The following SHB variants were observed in gnomAD, a reference collection of about 807,000 sequenced individuals.
SHB encodes SH2 domain containing adaptor protein B, also known as SH2 domain-containing adapter protein B.
In SHB, 20 loss-of-function variants were observed where a neutral mutation model predicts 52.3. The ratio of observed to expected loss-of-function variants is 0.38; its 90% confidence interval spans 0.27 to 0.56. The LOEUF (loss-of-function observed/expected upper bound fraction) is 0.56, where lower values mean the gene tolerates loss of function less well. Ranked by LOEUF, SHB falls within the 20% of genes least tolerant of loss-of-function variation. SHB has a pLI of 0.71. For missense variants in SHB, 825 were observed against 723.3 expected (o/e 1.14, Z -1.61); for synonymous variants, 397 against 316.5 (o/e 1.25, Z -2.70).
At chr9:37,952,993 C>T (rs1341833533) in intron 4 of SHB, among the ~76,000 whole-genome samples, 2 of 152,012 alleles carry the variant, frequency 1.3e-5, no homozygotes, top group East Asian at 1.9e-4. Context: ...AGAGACAACC[C>T]AGGGAGAGCA....
intron 2 of SHB, among the ~76,000 whole-genome samples, chr9:37,995,364 C>T (rs180914329): frequency 6.0e-5 from 9 of 149,598 alleles, no homozygotes; most frequent in Admixed American, 6.0e-4. Flanking sequence ...CCTCTTAGCG[C>T]GAGCCCTCCT....
chr9:38,030,920 G>A (rs1276357141), intron 1 of SHB, among the ~76,000 whole-genome samples: 1 of 151,552 alleles, frequency 6.6e-6, no homozygotes, highest in African/African-American at 2.4e-5. Flanking sequence ...CCAGAATCCT[G>A]GATTTCATGG....
At chr9:37,933,934 C>T (rs1832340714) in intron 5 of SHB, among the ~76,000 whole-genome samples, 1 of 152,236 alleles carries the variant, frequency 6.6e-6, no homozygotes, top group African/African-American at 2.4e-5. Flanking sequence ...AAGACCCGGG[C>T]TACTCTTTTC....
intron 2 of SHB, among the ~76,000 whole-genome samples, chr9:37,988,380 T>C (rs1202286011): frequency 6.6e-6 from 1 of 152,142 alleles, no homozygotes; most frequent in East Asian, 1.9e-4. Flanking sequence ...ACTCCAGAGT[T>C]TCTCAGTCTG....
chr9:38,053,193 G>A (rs1315843895), intron 1 of SHB, among the ~76,000 whole-genome samples: 3 of 152,150 alleles, frequency 2.0e-5, no homozygotes, highest in South Asian at 2.1e-4. Flanking sequence ...TGTCATCTAC[G>A]ATAAGATACA....
intron 2 of SHB, among the ~76,000 whole-genome samples, chr9:38,007,820 G>A (rs908377579): frequency 4.3e-4 from 66 of 152,056 alleles, no homozygotes; most frequent in African/African-American, 1.3e-3. Flanking sequence ...CAAGTGTTAA[G>A]GAACAACATC....
intron 5 of SHB, among the ~76,000 whole-genome samples, chr9:37,929,320 T>C (rs543767173): frequency 6.6e-6 from 1 of 152,350 alleles, no homozygotes; most frequent in East Asian, 1.9e-4. Context: ...GGCAGGCCCC[T>C]CGGATAAGCA....
intron 3 of SHB, among the ~76,000 whole-genome samples, chr9:37,966,071 T>G (rs896676772): frequency 6.6e-6 from 1 of 152,154 alleles, no homozygotes; most frequent in South Asian, 2.1e-4. Context: ...GCTCCTGACC[T>G]CAGGTGATCC....
At chr9:38,031,560 C>A (rs1463473900) in intron 1 of SHB, among the ~76,000 whole-genome samples, 1 of 152,112 alleles carries the variant, frequency 6.6e-6, no homozygotes, top group East Asian at 1.9e-4. Flanking sequence ...AGAAACCAAG[C>A]CTTCCTATGA....
intron 1 of SHB, among the ~76,000 whole-genome samples, chr9:38,033,632 G>A (rs1821445557): frequency 6.6e-6 from 1 of 152,160 alleles, no homozygotes. Context: ...CCATATTTTT[G>A]TTATGCCCAT....
intron 2 of SHB, among the ~76,000 whole-genome samples, chr9:37,991,662 T>G (rs1362242963): frequency 1.3e-5 from 2 of 152,224 alleles, no homozygotes. Context: ...AATGACTTTT[T>G]GGGACCCATG....
intron 3 of SHB, among the ~76,000 whole-genome samples, chr9:37,974,357 G>A (rs544673851): frequency 5.6e-4 from 85 of 152,314 alleles, no homozygotes; most frequent in African/African-American, 1.9e-3. Flanking sequence ...CAGACAATGA[G>A]AGCATCTGAG....
Position 37,974,768 on chromosome 9 carries a change from G to C in SHB, c.908C>G (p.Pro303Arg). 2 of 1,614,186 alleles carry C rather than the reference G, an allele frequency of 1.2e-6. No individual in the cohort carries two copies. The highest frequency in any genetic ancestry group is 1.7e-6 in the Non-Finnish European group (2 of 1,180,028). The change falls in exon 3 of 6, where the codon CCT (proline) becomes CGT (arginine). Residue 303 changes from proline to arginine, a missense_variant. Physicochemically the swap from Pro to Arg is moderately radical, Grantham distance 103 (BLOSUM62 -2). Coordinates refer to ENST00000377707, the MANE Select transcript of SHB (RefSeq NM_003028.3). ...GIQLYDTPYE[P>R]EGQSVDSDSE... ...GTCTGAGTCAACACTTTGGCCTTCA[G>C]GTTCGTAAGGGGTGTCATATAACTG... is the stretch of plus-strand genomic sequence containing the variant.
intron 5 of SHB, among the ~76,000 whole-genome samples, chr9:37,944,955 CAGGCTGAGCCCCTGG>C (rs1285070652): frequency 2.0e-5 from 3 of 152,204 alleles, no homozygotes; most frequent in Admixed American, 2.0e-4. Flanking sequence ...CTGGCCTGGC[CAGGCTGAGCCCCTGG>C]AGGCTGGGCC....
intron 2 of SHB, among the ~76,000 whole-genome samples, chr9:38,009,578 AAC>A (rs1460176008): frequency 6.6e-6 from 1 of 152,240 alleles, no homozygotes; most frequent in African/African-American, 2.4e-5. Context: ...TTTCTCCTGA[AAC>A]ACAGAGGCCA....
In SHB at chr9:37,918,361, G is replaced by A. The variant is rs1008003522; in HGVS notation, c.*1460C>T. Reference sequence around the variant, plus strand: ...TGCTATGGCAAGCAAGAGAGAGGTCGCGTGTGCGTGTGCGTGTGTAGGTGT... The same window carrying A: ...TGCTATGGCAAGCAAGAGAGAGGTCACGTGTGCGTGTGCGTGTGTAGGTGT... On this transcript the variant is annotated 3_prime_UTR_variant, in exon 6 of 6. Coordinates refer to ENST00000377707, the MANE Select transcript of SHB (RefSeq NM_003028.3). Among the ~76,000 whole-genome samples the A allele has an allele frequency of 2.0e-5, 3 of 146,694 alleles. No homozygotes were observed. Among genetic ancestry groups the A allele is most frequent in the Non-Finnish European group, 3.0e-5 (2 of 66,964 alleles).
At chr9:37,930,769 A>G (rs1331030625) in intron 5 of SHB, among the ~76,000 whole-genome samples, 3 of 152,212 alleles carry the variant, frequency 2.0e-5, no homozygotes, top group Non-Finnish European at 2.9e-5. Context: ...TGGAACCATA[A>G]AAGACCCTGA....
chr9:38,068,829 C>T lies in SHB; in HGVS notation c.-184G>A, dbSNP rs1028461314. On this transcript the variant is annotated 5_prime_UTR_variant, in exon 1 of 6. Transcript: ENST00000377707. ...GCCTCCTGCCGGCAGCTCTCTGGCT[C>T]CGGCGGCTGCAACACCTCCCTCCGC... 3 of 159,850 alleles carry T rather than the reference C, an allele frequency of 1.9e-5. No individual in the cohort carries two copies. The highest frequency in any genetic ancestry group is 7.2e-5 in the African/African-American group (3 of 41,516). The allele number at this position is 159,850 out of a possible 1,614,324, so 9.9% of individuals were successfully genotyped here.
intron 2 of SHB, among the ~76,000 whole-genome samples, chr9:38,001,512 G>C (rs1821012510): frequency 1.3e-5 from 2 of 152,248 alleles, no homozygotes; most frequent in South Asian, 2.1e-4. Context: ...AGCCTGGCCA[G>C]TTCTGTCCTT....
Sources: gnomAD v4.1 joint callset for allele counts (sites outside exome capture counted in the v4.1 genomes callset) on GRCh38, gnomAD v4.1.1 for gene constraint, MANE v1.5 for transcripts, NCBI Gene and HGNC (gene_info 2026-07-23, HGNC 2026-07-21) for gene names.